The following RIN2 variants were observed in gnomAD, a reference collection of about 807,000 sequenced individuals.
RIN2 encodes RAB5 interacting protein 2.
RIN2 carries 36 observed loss-of-function variants against 78.0 expected under a neutral mutation model. That is an observed-to-expected ratio of 0.46 (90% confidence interval 0.35 to 0.61). RIN2 has a LOEUF of 0.61. RIN2 is among the 20% of genes least tolerant of loss of function. The pLI, the probability that RIN2 is intolerant of heterozygous loss-of-function variation, is 0.00. For synonymous variants in RIN2, 466 were observed against 466.8 expected (o/e 1.00, Z 0.02); for missense variants, 1,087 against 1,159.7 (o/e 0.94, Z 0.91).
Position 19,889,306 on chromosome 20 carries a change from AG to A in RIN2, c.-36-258del, listed in dbSNP as rs1261572878. The A allele has an allele frequency of 4.6e-5, 54 of 1,169,650 alleles. No homozygotes were observed. The African/African-American group carries it at 7.9e-4, about 17-fold the overall frequency. 72.5% of individuals were successfully genotyped at this position (1,169,650 alleles called of 1,614,324 possible). ...AGGTGAAACACACAAAGTAATCATT[AG>A]GCTTCCTGAAGTCCCAAGGACCTTC... On this transcript the variant is annotated intron_variant, in intron 2 of 12. Transcript: ENST00000255006.
chr20:20,000,920 A>C lies in RIN2; in HGVS notation c.2672A>C (p.Asp891Ala), dbSNP rs774025572. The stretch of plus-strand genomic sequence containing the variant: ...ATCATTTTCCAGAACGGGGAAGAAG[A>C]CCTCACCACCTCCTAGAAGACAGGC... ...YGIIFQNGEEDLTTS is the reference protein window; with the variant it reads ...YGIIFQNGEEALTTS Residue 891 changes from aspartate to alanine, a missense_variant, in exon 13 of 13, where the codon GAC becomes GCC. Asp to Ala is a moderately radical substitution (Grantham distance 126, BLOSUM62 -2). Around this residue, in one of 8 missense-constraint regions of RIN2, gnomAD observed 160 missense variants for 179.4 expected, o/e 0.89. Coordinates refer to ENST00000255006, the MANE Select transcript of RIN2 (RefSeq NM_018993.4). 6.2e-7 allele frequency: 1 copy of C among 1,610,456 alleles called. No individual in the cohort carries two copies. Among genetic ancestry groups the C allele is most frequent in the African/African-American group, 1.3e-5 (1 of 74,962 alleles).
intron 6 of RIN2, among the ~76,000 whole-genome samples, chr20:19,962,754 C>T (rs916717914): frequency 2.6e-5 from 4 of 151,864 alleles, no homozygotes; most frequent in African/African-American, 9.7e-5. Flanking sequence ...GCTAGGGGTT[C>T]GAGACCAGCC....
At chr20:19,903,796 AG>A (rs1568591544) in intron 3 of RIN2, among the ~76,000 whole-genome samples, 1 of 152,240 alleles carries the variant, frequency 6.6e-6, no homozygotes, top group Non-Finnish European at 1.5e-5. Flanking sequence ...TCTCTGAATC[AG>A]GCTTTCCAGA....
At chr20:19,888,180 C>T (rs1034503383) in intron 2 of RIN2, among the ~76,000 whole-genome samples, 5 of 152,036 alleles carry the variant, frequency 3.3e-5, no homozygotes, top group Admixed American at 6.5e-5. Context: ...GGCCACAGCA[C>T]GGAGCACTGA....
At chr20:19,850,990 A>AAAGT (rs2036941254) in intron 2 of RIN2, among the ~76,000 whole-genome samples, 1 of 99,264 alleles carries the variant, frequency 1.0e-5, no homozygotes, top group Admixed American at 1.2e-4. Flanking sequence ...GAAAGGGAGA[A>AAAGT]AAGGAAGGAA....
chr20:19,946,437 C>T (rs1026993443), intron 4 of RIN2, among the ~76,000 whole-genome samples: 4 of 152,108 alleles, frequency 2.6e-5, no homozygotes, highest in Admixed American at 6.5e-5. Context: ...CTTCCCAGGC[C>T]GGCGCCGGGG....
chr20:19,877,839 G>A (rs999195467), intron 2 of RIN2, among the ~76,000 whole-genome samples: 1 of 151,986 alleles, frequency 6.6e-6, no homozygotes, highest in African/African-American at 2.4e-5. Flanking sequence ...GACAACTGTA[G>A]AGACCCCTGT....
At chr20:19,859,279 G>A (rs545799349) in intron 2 of RIN2, among the ~76,000 whole-genome samples, 1 of 152,386 alleles carries the variant, frequency 6.6e-6, no homozygotes, top group African/African-American at 2.4e-5. Context: ...CAGGCACAGG[G>A]AAAGGGAGTA....
intron 1 of RIN2, among the ~76,000 whole-genome samples, chr20:19,768,974 T>C (rs1044229518): frequency 2.0e-5 from 3 of 147,890 alleles, no homozygotes; most frequent in African/African-American, 7.5e-5. Flanking sequence ...CAGGCTGGAG[T>C]ACAAAGTCGC....
intron 3 of RIN2, among the ~76,000 whole-genome samples, chr20:19,924,179 A>T (rs58957748): frequency 4.7e-4 from 15 of 31,904 alleles, no homozygotes; most frequent in East Asian, 3.0e-3. Context: ...CTTCATACCC[A>T]CACCTTCATA....
At chr20:19,827,606 T>G (rs2036131528) in intron 2 of RIN2, among the ~76,000 whole-genome samples, 1 of 152,182 alleles carries the variant, frequency 6.6e-6, no homozygotes, top group African/African-American at 2.4e-5. Context: ...AACCATAGTG[T>G]GGCAGTGAGT....
chr20:19,785,236 C>T (rs561876751), intron 1 of RIN2, among the ~76,000 whole-genome samples: 44 of 151,966 alleles, frequency 2.9e-4, no homozygotes, highest in African/African-American at 1.1e-3. Context: ...GTTTGTGAAT[C>T]TAAGCATTTC....
intron 4 of RIN2, among the ~76,000 whole-genome samples, chr20:19,942,555 C>T (rs1033948461): frequency 6.6e-6 from 1 of 152,212 alleles, no homozygotes; most frequent in Admixed American, 6.5e-5. Flanking sequence ...ACCCCACCCC[C>T]ACTCCAAGAT....
intron 2 of RIN2, among the ~76,000 whole-genome samples, chr20:19,844,639 C>CTTG (rs2036695863): frequency 7.4e-6 from 1 of 134,804 alleles, no homozygotes; most frequent in Non-Finnish European, 1.5e-5. Context: ...TCTTCTTCTT[C>CTTG]TTCTTCTTCT....
intron 1 of RIN2, among the ~76,000 whole-genome samples, chr20:19,760,247 G>A (rs578257993): frequency 3.3e-5 from 5 of 152,338 alleles, no homozygotes; most frequent in South Asian, 4.1e-4. Context: ...TTGGGAAGAA[G>A]GCTGTTGACA....
In RIN2 at chr20:19,840,609, C is replaced by T. The variant is rs117786654; in HGVS notation, c.-37+40862C>T. 4.8e-3 allele frequency among the ~76,000 whole-genome samples: 734 copies of T among 152,320 alleles called. 3 individuals carry two copies. Among genetic ancestry groups the T allele is most frequent in the Non-Finnish European group, 8.9e-3 (607 of 68,030 alleles). On this transcript the variant is annotated intron_variant, in intron 2 of 12. Transcript: ENST00000255006. ...ATGCCCCTTAGCCAACCAGAAACCA[C>T]TTCTGTTAATTGAGGAATTGTCTTT...
chr20:19,865,268 A>AT (rs1485109093), intron 2 of RIN2, among the ~76,000 whole-genome samples: 1 of 152,134 alleles, frequency 6.6e-6, no homozygotes, highest in African/African-American at 2.4e-5. Flanking sequence ...GCTATGACAT[A>AT]TTTTCTATAC....
intron 4 of RIN2, among the ~76,000 whole-genome samples, chr20:19,939,074 G>A (rs780769629): frequency 4.6e-5 from 7 of 152,068 alleles, no homozygotes; most frequent in African/African-American, 1.2e-4. Flanking sequence ...ACAGAATCTC[G>A]CTCTGTTGCC....
chr20:19,940,060 C>T (rs1227324928), intron 4 of RIN2, among the ~76,000 whole-genome samples: 1 of 152,114 alleles, frequency 6.6e-6, no homozygotes, highest in Non-Finnish European at 1.5e-5. Context: ...TCATGTTGCC[C>T]AGGCTGGTCT....
Sources: gnomAD v4.1 joint callset for allele counts (sites outside exome capture counted in the v4.1 genomes callset) on GRCh38, gnomAD v4.1.1 for gene constraint, gnomAD v4.1.1 regional missense constraint, MANE v1.5 for transcripts, NCBI Gene and HGNC (gene_info 2026-07-23, HGNC 2026-07-21) for gene names.